The following WDR49 variants were observed in gnomAD, a reference collection of about 807,000 sequenced individuals.
WDR49 encodes the protein cilia- and flagella-associated protein 337.
Under a neutral mutation model 119.5 loss-of-function variants are expected in WDR49, and 107 were observed. The ratio of observed to expected loss-of-function variants is 0.90; its 90% CI spans 0.77 to 1.05. The LOEUF (loss-of-function observed/expected upper bound fraction) is 1.05. WDR49 is among the 50% of genes least tolerant of loss of function. The pLI, the probability that WDR49 is intolerant of heterozygous loss-of-function variation, is 0.00. For synonymous variants in WDR49, 425 were observed against 418.8 expected (o/e 1.01, Z -0.18); for missense variants, 1,240 against 1,220.5 (o/e 1.02, Z -0.24).
chr3:167,482,678 CAAA>C (rs56753360), intron 18 of WDR49, among the ~76,000 whole-genome samples: 3 of 71,226 alleles, frequency 4.2e-5, no homozygotes, highest in African/African-American at 8.4e-5. Context: ...GACTCTGTCT[CAAA>C]AAAAAAAAAA....
chr3:167,560,330 C>A, intron 8 of WDR49, 102 bp from the exon 9 acceptor site: 3 of 1,178,666 alleles, frequency 2.5e-6, no homozygotes, highest in African/African-American at 1.6e-5. Context: ...GTCCAAAGAT[C>A]CCCCAACAGT....
chr3:167,501,495 G>T (rs1033759866), intron 17 of WDR49, among the ~76,000 whole-genome samples: 1 of 152,040 alleles, frequency 6.6e-6, no homozygotes, highest in Non-Finnish European at 1.5e-5. Flanking sequence ...CAAAAACTCC[G>T]TGGAGTAGAT....
intron 18 of WDR49, among the ~76,000 whole-genome samples, chr3:167,497,432 G>A (rs1751395220): frequency 6.6e-6 from 1 of 152,118 alleles, no homozygotes; most frequent in South Asian, 2.1e-4. Context: ...GAAATCCAGG[G>A]GAAAAAATTC....
chr3:167,557,045 A>C (rs571525959), intron 9 of WDR49, among the ~76,000 whole-genome samples: 1 of 151,982 alleles, frequency 6.6e-6, no homozygotes, highest in South Asian at 2.1e-4. Flanking sequence ...ACAAACAAAA[A>C]AATTAGCCGA....
At chr3:167,617,152 A>G (rs912270755) in intron 5 of WDR49, among the ~76,000 whole-genome samples, 7 of 152,210 alleles carry the variant, frequency 4.6e-5, no homozygotes, top group Admixed American at 3.9e-4. Context: ...AGACAGAGGA[A>G]GAGGCAAAAT....
At chr3:167,504,932 G>T (rs779386842) in intron 17 of WDR49, among the ~76,000 whole-genome samples, 7 of 152,070 alleles carry the variant, frequency 4.6e-5, no homozygotes, top group Non-Finnish European at 8.8e-5. Flanking sequence ...TGATGTGCTT[G>T]CTATTGCTTC....
intron 2 of WDR49, among the ~76,000 whole-genome samples, chr3:167,646,604 T>C (rs1718141681): frequency 6.6e-6 from 1 of 152,218 alleles, no homozygotes; most frequent in Non-Finnish European, 1.5e-5. Context: ...TGGCTGGTGC[T>C]TGTGAGGAAC....
At chr3:167,502,545 G>A (rs1166874380) in intron 17 of WDR49, among the ~76,000 whole-genome samples, 1 of 152,192 alleles carries the variant, frequency 6.6e-6, no homozygotes, top group African/African-American at 2.4e-5. Context: ...TGATAGTGAT[G>A]TGGACAGTGA....
At chr3:167,520,084 T>TGC (rs774744111) in intron 16 of WDR49, among the ~76,000 whole-genome samples, 1 of 150,938 alleles carries the variant, frequency 6.6e-6, no homozygotes, top group Middle Eastern at 3.4e-3. Flanking sequence ...AAAAAATGTG[T>TGC]GTGTGTGTGT....
chr3:167,570,511 G>C (rs1330003953), intron 8 of WDR49, among the ~76,000 whole-genome samples: 1 of 152,134 alleles, frequency 6.6e-6, no homozygotes, highest in Admixed American at 6.5e-5. Context: ...TGTATACATA[G>C]AGCTGTTTGG....
intron 5 of WDR49, among the ~76,000 whole-genome samples, chr3:167,612,152 ATAAAAC>A (rs1273606955): frequency 9.2e-5 from 14 of 152,238 alleles, no homozygotes; most frequent in Non-Finnish European, 1.3e-4. Context: ...ACCACAATGA[ATAAAAC>A]TAGAAACTAC....
intron 8 of WDR49, among the ~76,000 whole-genome samples, chr3:167,570,039 T>C (rs749745778): frequency 6.6e-6 from 1 of 152,042 alleles, no homozygotes; most frequent in African/African-American, 2.4e-5. Context: ...TAACTTCTTA[T>C]GTTTCCATCA....
At chr3:167,640,750 A>AT (rs1231726478) in intron 2 of WDR49, among the ~76,000 whole-genome samples, 2 of 151,822 alleles carry the variant, frequency 1.3e-5, no homozygotes, top group Middle Eastern at 3.4e-3. Flanking sequence ...GTTTTTATTG[A>AT]TTTTTTTATT....
At chr3:167,518,472 C>A (rs1752303604) in intron 16 of WDR49, among the ~76,000 whole-genome samples, 1 of 152,078 alleles carries the variant, frequency 6.6e-6, no homozygotes, top group African/African-American at 2.4e-5. Flanking sequence ...ATTTGCATTT[C>A]TCTGATGGCC....
At chr3:167,650,452 T>A (rs1718323177) in intron 2 of WDR49, among the ~76,000 whole-genome samples, 1 of 152,128 alleles carries the variant, frequency 6.6e-6, no homozygotes, top group Non-Finnish European at 1.5e-5. Flanking sequence ...GAAAATGAAA[T>A]CCACAAGTTA....
chr3:167,488,135 G>A (rs1750992598), intron 18 of WDR49, among the ~76,000 whole-genome samples: 1 of 133,760 alleles, frequency 7.5e-6, no homozygotes, highest in South Asian at 2.4e-4. Context: ...AAGAAAATGT[G>A]ATACACTCAA....
intron 2 of WDR49, among the ~76,000 whole-genome samples, chr3:167,648,910 T>C (rs904450911): frequency 2.0e-5 from 3 of 152,218 alleles, no homozygotes; most frequent in African/African-American, 7.2e-5. Flanking sequence ...TTATATATTT[T>C]ACACAGTTTG....
intron 10 of WDR49, among the ~76,000 whole-genome samples, chr3:167,546,795 G>A (rs776060461): frequency 1.2e-4 from 18 of 151,592 alleles, no homozygotes; most frequent in East Asian, 1.9e-4. Context: ...AAATTGTCAT[G>A]GAGAGAACAC....
chr3:167,630,912 G>C (rs936415472), intron 2 of WDR49, among the ~76,000 whole-genome samples: 1 of 152,082 alleles, frequency 6.6e-6, no homozygotes, highest in Non-Finnish European at 1.5e-5. Context: ...GCTAACACAT[G>C]TATCTTCTCA....
Sources: gnomAD v4.1 joint callset for allele counts (sites outside exome capture counted in the v4.1 genomes callset) on GRCh38, gnomAD v4.1.1 for gene constraint, MANE v1.5 for transcripts, NCBI Gene and HGNC (gene_info 2026-07-23, HGNC 2026-07-21) for gene names.